The following RYR1 variants were observed in gnomAD, a reference collection of about 807,000 sequenced individuals.
RYR1 encodes the protein central core disease of muscle.
A neutral mutation model predicts 583.5 loss-of-function variants in RYR1; 342 were observed. The ratio of observed to expected loss-of-function variants is 0.59; its 90% CI spans 0.54 to 0.64. The LOEUF (loss-of-function observed/expected upper bound fraction) is 0.64, where lower values mean the gene tolerates loss of function less well. RYR1 is among the 30% of genes least tolerant of loss of function. The pLI, the probability that RYR1 is intolerant of heterozygous loss-of-function variation, is 0.00. For synonymous variants in RYR1, 2,791 were observed against 2,822.5 expected (o/e 0.99, Z 0.35); for missense variants, 6,032 against 6,917.2 (o/e 0.87, Z 4.54).
chr19:38,562,776 A>G (rs1267189923), intron 90 of RYR1, among the ~76,000 whole-genome samples: 3 of 152,032 alleles, frequency 2.0e-5, no homozygotes, highest in Admixed American at 2.0e-4. Context: ...GCCCACGTCC[A>G]CCGTGCACAC....
chr19:38,530,972 T>G (rs1257483939), intron 76 of RYR1, among the ~76,000 whole-genome samples: 2 of 150,452 alleles, frequency 1.3e-5, no homozygotes, highest in Non-Finnish European at 2.9e-5. Context: ...CCAGCTATTT[T>G]TCTTTTTTCT....
rs534537428 is a variant in RYR1, at chr19:38,483,630, G to A, written c.4934+114G>A. ...CCCCGGGATTCCAGACTACACCCCA[G>A]GAATCTCCAGACCTACCTCAGGGGA... is the stretch of plus-strand genomic sequence containing the variant. On this transcript the variant is annotated intron_variant, in intron 33 of 105. Coordinates refer to ENST00000359596, the MANE Select transcript of RYR1 (RefSeq NM_000540.3). The surrounding 1 kb of genome is among the most constrained non-coding windows in gnomAD (Gnocchi z 6.3). 1.8e-5 allele frequency: 17 copies of A among 924,360 alleles called. No homozygotes were observed. In the African/African-American group the frequency reaches 2.8e-4, roughly 15 times the overall value. 57.3% of individuals were successfully genotyped at this position (924,360 alleles called of 1,614,324 possible).
intron 81 of RYR1, 69 bp downstream of exon 81, chr19:38,535,461 T>C: frequency 8.7e-7 from 1 of 1,153,842 alleles, no homozygotes. Context: ...CCTGGTACCA[T>C]TTCCAGTTCT....
chr19:38,572,136 G>A lies in RYR1; in HGVS notation c.13864G>A (p.Gly4622Ser). ...CTTGGGGGCCGGAGAGGAGGCAGAGGGCGATGAGGATGAGAACATGGTGTA... is the reference window on the plus strand; with the variant it reads ...CTTGGGGGCCGGAGAGGAGGCAGAGAGCGATGAGGATGAGAACATGGTGTA... ...WGLGAGEEAE[G>S]DEDENMVYYF... The change falls in exon 95 of 106, where the codon GGC becomes AGC. Residue 4622 changes from glycine (G) to serine (S), a missense_variant. Gly to Ser is a moderately conservative substitution (Grantham distance 56). This residue lies in a region of RYR1 where 188 missense variants were observed against 215.6 expected (regional missense o/e 0.87). Coordinates refer to ENST00000359596, the MANE Select transcript of RYR1 (RefSeq NM_000540.3). 1 of 1,613,888 alleles carries A rather than the reference G, an allele frequency of 6.2e-7. No homozygotes were observed. Among genetic ancestry groups the A allele is most frequent in the Admixed American group, 1.7e-5 (1 of 59,974 alleles).
At position 38,502,590 on chromosome 19, in the gene RYR1, G is replaced by C. The variant is rs533830328; in HGVS notation, c.7698G>C (p.Ala2566=). The part of the protein sequence containing the change: ...LAVLPLITKC[A]PLFAGTEHRA... ...TGCTGCCGCTCATCACCAAGTGTGC[G>C]CCGCTCTTTGCGGGCACAGAACACC... Residue 2566 remains alanine (A), a synonymous_variant, in exon 48 of 106, where the codon GCG becomes GCC. Coordinates refer to ENST00000359596, the MANE Select transcript of RYR1 (RefSeq NM_000540.3). 2.6e-5 allele frequency: 42 copies of C among 1,612,548 alleles called. No individual in the cohort carries two copies. In the South Asian group the frequency reaches 4.1e-4, roughly 16 times the overall value.
At position 38,500,090 on chromosome 19, in the gene RYR1, CGGTGACACGGA is replaced by C; in HGVS notation, c.7323+76_7323+86del. ...GCTTTGAACGCCTCATGCAGGCACT[CGGTGACACGGA>C]GTGAGCTCCCATATGTGGGTGGTCC... On this transcript the variant is annotated intron_variant, in intron 45 of 105. Transcript: ENST00000359596. This position sits in a 1 kb window ranked among gnomAD's most constrained non-coding sequence, Gnocchi z 5.9. 7.6e-7 allele frequency: 1 copy of C among 1,312,326 alleles called. No homozygotes were observed. Among genetic ancestry groups the C allele is most frequent in the Non-Finnish European group, 1.1e-6 (1 of 917,354 alleles). 81.3% of individuals were successfully genotyped at this position (1,312,326 alleles called of 1,614,324 possible).
intron 1 of RYR1, among the ~76,000 whole-genome samples, chr19:38,440,530 T>C (rs1193733472): frequency 1.3e-5 from 2 of 152,008 alleles, no homozygotes; most frequent in Admixed American, 6.6e-5. Flanking sequence ...CAGAGACTAT[T>C]TCAAATAAAT....
Position 38,467,739 on chromosome 19 carries a change from G to A in RYR1, c.3308G>A (p.Trp1103Ter). The A allele has an allele frequency of 6.2e-7, 1 of 1,614,224 alleles. No individual in the cohort carries two copies. Among genetic ancestry groups the A allele is most frequent in the Non-Finnish European group, 8.5e-7 (1 of 1,180,044 alleles). The change falls in exon 25 of 106, where the codon TGG becomes TAG. Residue 1103 changes from tryptophan (W) to a stop codon, truncating the protein, a stop_gained. Transcript: ENST00000359596. LOFTEE classifies it high-confidence loss of function. ...ACCACAGGCGAGATGCGCGTGGGCTGGGCGAGGCCCGAGCTGAGGCCTGAT... is the reference window on the plus strand; with the variant it reads ...ACCACAGGCGAGATGCGCGTGGGCTAGGCGAGGCCCGAGCTGAGGCCTGAT... ...AVTTGEMRVG[W>*]ARPELRPDVE...
intron 89 of RYR1, among the ~76,000 whole-genome samples, chr19:38,549,879 G>T (rs1972591086): frequency 2.2e-5 from 1 of 45,822 alleles, no homozygotes; most frequent in Admixed American, 2.6e-4. Flanking sequence ...CTAAATTTGT[G>T]TGTGTGTGTG....
At position 38,507,736 on chromosome 19, in the gene RYR1, C is replaced by T. The variant is rs200982346; in HGVS notation, c.8841C>T (p.Asp2947=). ...GAGGCCTTAAGGACATGGAACTGGACTCGTCTTCCATTGAAAAGCGGTTTG... is the reference window on the plus strand; with the variant it reads ...GAGGCCTTAAGGACATGGAACTGGATTCGTCTTCCATTGAAAAGCGGTTTG... ...VTRGLKDMEL[D]SSSIEKRFAF... The change falls in exon 58 of 106, where the codon GAC becomes GAT. Residue 2947 remains aspartate, a synonymous_variant. Transcript: ENST00000359596. 21 of 1,612,854 alleles carry T rather than the reference C, an allele frequency of 1.3e-5. No homozygotes were observed. The highest frequency in any genetic ancestry group is 1.8e-5 in the Non-Finnish European group (21 of 1,178,944).
intron 27 of RYR1, among the ~76,000 whole-genome samples, chr19:38,472,129 C>T (rs193190931): frequency 2.8e-4 from 42 of 152,124 alleles, no homozygotes; most frequent in African/African-American, 9.6e-4. Flanking sequence ...GACTGGGTCT[C>T]ACTCTGTCAC....
intron 31 of RYR1, among the ~76,000 whole-genome samples, chr19:38,480,739 T>C (rs560388727): frequency 2.0e-5 from 3 of 152,016 alleles, no homozygotes; most frequent in Non-Finnish European, 2.9e-5. Flanking sequence ...ATTTTATTTA[T>C]TATTTATTTT....
chr19:38,510,885 T>C, intron 60 of RYR1, 104 bp downstream of exon 60: 1 of 1,538,058 alleles, frequency 6.5e-7, no homozygotes, highest in Non-Finnish European at 8.9e-7. Context: ...GTACTGACCG[T>C]CTCCTGCAAA....
chr19:38,558,216 C>T (rs1041226693), intron 89 of RYR1, among the ~76,000 whole-genome samples: 2 of 151,536 alleles, frequency 1.3e-5, no homozygotes, highest in African/African-American at 4.9e-5. Flanking sequence ...AAGGCTAAGA[C>T]GGGAGGATCA....
At chr19:38,578,599 G>A (rs866360831) in intron 99 of RYR1, among the ~76,000 whole-genome samples, 1 of 152,078 alleles carries the variant, frequency 6.6e-6, no homozygotes, top group Non-Finnish European at 1.5e-5. Flanking sequence ...TTGGGAGGCC[G>A]AGGCAGGCAG....
intron 82 of RYR1, 29 bp downstream of exon 82, chr19:38,536,099 C>T: frequency 6.3e-7 from 1 of 1,587,308 alleles, no homozygotes; most frequent in South Asian, 1.1e-5. Flanking sequence ...CTTCCCACCC[C>T]CTGAGACATC....
intron 33 of RYR1, 94 bp from the exon 34 acceptor site, chr19:38,485,496 G>A: frequency 6.6e-7 from 1 of 1,504,248 alleles, no homozygotes; most frequent in Non-Finnish European, 9.1e-7. Context: ...TAAATGGGTG[G>A]ATAGTGATGA....
Position 38,536,860 on chromosome 19 carries a change from C to A in RYR1, c.11608+93C>A, listed in dbSNP as rs970716551. 5 of 1,386,456 alleles carry A rather than the reference C, an allele frequency of 3.6e-6. No homozygotes were observed. The South Asian group carries it at 5.8e-5, about 16-fold the overall frequency. 85.9% of individuals were successfully genotyped at this position (1,386,456 alleles called of 1,614,324 possible). A position where few individuals can be genotyped will look rare whatever the true frequency, so the allele number is the denominator to read the frequency against. On this transcript the variant is annotated intron_variant, in intron 83 of 105. Coordinates refer to ENST00000359596, the MANE Select transcript of RYR1 (RefSeq NM_000540.3). Reference sequence around the variant, plus strand: ...CCACCTAGGGGCTGAGGATCTGGGACGTGGAGGGGAGGGAGGGACCCTTCA... The same window carrying A: ...CCACCTAGGGGCTGAGGATCTGGGAAGTGGAGGGGAGGGAGGGACCCTTCA...
At chr19:38,581,127 G>A (rs574941874) in intron 101 of RYR1, among the ~76,000 whole-genome samples, 9 of 151,738 alleles carry the variant, frequency 5.9e-5, no homozygotes, top group Admixed American at 5.9e-4. Context: ...GCCCAGGCTG[G>A]AGTGCAGTGG....
Sources: allele counts gnomAD v4.1 joint callset (sites outside exome capture counted in the v4.1 genomes callset), GRCh38; gene constraint gnomAD v4.1.1; regional missense constraint gnomAD v4.1.1; non-coding constraint Gnocchi (gnomAD v3.1); transcripts MANE v1.5; gene names NCBI Gene and HGNC (gene_info 2026-07-23, HGNC 2026-07-21).